Variants in KIF21B observed in about 807,000 individuals in gnomAD.
KIF21B encodes kinesin family member 21B.
In KIF21B, 85 loss-of-function variants were observed where a neutral mutation model predicts 192.9. The observed-to-expected ratio is 0.44, with a 90% CI of 0.37 to 0.53. The LOEUF (loss-of-function observed/expected upper bound fraction) is 0.53, where lower values mean the gene tolerates loss of function less well. Ranked by LOEUF, KIF21B falls within the 20% of genes least tolerant of loss-of-function variation. The pLI, the probability that KIF21B is intolerant of heterozygous loss-of-function variation, is 0.00. For missense variants in KIF21B, 1,716 were observed against 2,194.8 expected (o/e 0.78, Z 4.36); for synonymous variants, 832 against 884.6 (o/e 0.94, Z 1.05).
At chr1:201,012,797 T>C (rs2221581) in intron 1 of KIF21B, among the ~76,000 whole-genome samples, 40,091 of 152,006 alleles carry the variant, frequency 0.26, 5,841 homozygotes, top group Middle Eastern at 0.37. Flanking sequence ...GCACGCACCA[T>C]CATGCCCATC....
At chr1:201,009,618 AC>A in intron 1 of KIF21B, 130 bp from the exon 2 acceptor site, 1 of 821,006 alleles carries the variant, frequency 1.2e-6, no homozygotes, top group Non-Finnish European at 1.9e-6. Context: ...AGCTTAGGTG[AC>A]CCCAGAGGAC....
intron 3 of KIF21B, among the ~76,000 whole-genome samples, chr1:201,006,598 G>C (rs547960343): frequency 1.2e-4 from 19 of 152,172 alleles, no homozygotes; most frequent in Non-Finnish European, 2.5e-4. Flanking sequence ...ATATCTGTCT[G>C]TCTGTCTGTG....
intron 3 of KIF21B, among the ~76,000 whole-genome samples, chr1:201,007,625 CACAG>C (rs1376121339): frequency 4.0e-5 from 6 of 149,806 alleles, no homozygotes; most frequent in Non-Finnish European, 6.0e-5. Context: ...CACACACAGA[CACAG>C]ACAGGCACAC....
At position 200,977,368 on chromosome 1, in the gene KIF21B, C is replaced by T; in HGVS notation, c.4169G>A (p.Gly1390Asp). 1 of 1,613,874 alleles carries T rather than the reference C, an allele frequency of 6.2e-7. No homozygotes were observed. Among genetic ancestry groups the T allele is most frequent in the Non-Finnish European group, 8.5e-7 (1 of 1,179,742 alleles). ...AKCIRTLTSS[G>D]QVISGDACAA... ...ACAGGCATCCCCTGAGATCACCTGG[C>T]CCGAGGACCTGCCCATCGGAGAAAG... Residue 1390 changes from glycine to aspartate, a missense_variant, in exon 31 of 35, where the codon GGC (glycine) becomes GAC (aspartate). Gly to Asp is a moderately conservative substitution (Grantham distance 94). This residue lies in a region of KIF21B where 580 missense variants were observed against 775.5 expected (regional missense o/e 0.75). Transcript: ENST00000461742.
chr1:200,994,322 A>C (rs909398982), intron 15 of KIF21B, among the ~76,000 whole-genome samples: 1 of 152,200 alleles, frequency 6.6e-6, no homozygotes, highest in Non-Finnish European at 1.5e-5. Context: ...CATTCTGTGA[A>C]TCGCTGGGGC....
rs1657310688 is a variant in KIF21B at position 200,999,371 on chromosome 1, T to G, written c.1863A>C (p.Ser621=). 4 of 1,614,144 alleles carry G rather than the reference T, an allele frequency of 2.5e-6. No individual in the cohort carries two copies. The highest frequency in any genetic ancestry group is 2.2e-5 in the South Asian group (2 of 91,082). Residue 621 remains serine, a synonymous_variant, in exon 13 of 35, where the codon TCA becomes TCC. Coordinates refer to ENST00000461742, the MANE Select transcript of KIF21B (RefSeq NM_001252102.2). The surrounding 1 kb of genome is among the most constrained non-coding windows in gnomAD (Gnocchi z 4.7). ...DSGSEESLVD[S]DSDPEEKEVN... ...CACCCTTCTCCTCGGGGTCTGAGTC[T>G]GAGTCCACCAGGCTCTCTTCACTGC...
At chr1:200,991,757 A>C (rs750210197) in intron 16 of KIF21B, 32 bp from the exon 17 acceptor site, 7 of 1,610,094 alleles carry the variant, frequency 4.3e-6, no homozygotes, top group Non-Finnish European at 5.9e-6. Context: ...TGGGCTCCAC[A>C]CTCAGGCACC....
chr1:201,017,183 G>T lies in KIF21B; in HGVS notation c.41+6160C>A, dbSNP rs1307544990. Reference sequence around the variant, plus strand: ...TGTCTATGGCCCTCCAGGGCATCAGGATCTCAGCCGTGCAGAGGAATCGGG... The same window carrying T: ...TGTCTATGGCCCTCCAGGGCATCAGTATCTCAGCCGTGCAGAGGAATCGGG... On this transcript the variant is annotated intron_variant, in intron 1 of 34. Coordinates refer to ENST00000461742, the MANE Select transcript of KIF21B (RefSeq NM_001252102.2). This position sits in a 1 kb window ranked among gnomAD's most constrained non-coding sequence, Gnocchi z 4.1. 6.6e-6 allele frequency among the ~76,000 whole-genome samples: 1 copy of T among 152,178 alleles called. No individual in the cohort carries two copies. The highest frequency in any genetic ancestry group is 1.5e-5 in the Non-Finnish European group (1 of 68,026).
intron 8 of KIF21B, 187 bp from the exon 9 acceptor site, chr1:201,002,537 A>G (rs1302875091): frequency 3.6e-6 from 2 of 557,452 alleles, no homozygotes; most frequent in Admixed American, 3.1e-5. Flanking sequence ...AACCTTACAC[A>G]GTTCTCCTTG....
At chr1:201,015,352 G>A (rs12122721) in intron 1 of KIF21B, among the ~76,000 whole-genome samples, 36,256 of 152,106 alleles carry the variant, frequency 0.24, 4,506 homozygotes, top group Non-Finnish European at 0.29. Context: ...GACTAGAATC[G>A]CCTTTCAGAT....
In KIF21B at chr1:200,984,605, G is replaced by A. The variant is rs559362593; in HGVS notation, c.3803+254C>T. Among the ~76,000 whole-genome samples the A allele has an allele frequency of 7.2e-5, 11 of 152,328 alleles. No individual in the cohort carries two copies. The East Asian group carries it at 1.4e-3, about 19-fold the overall frequency. Reference sequence around the variant, plus strand: ...ATGCGACCAGCCCACCTGACTGCCCGGCCCCAATCCCTGTGGCCTCCTTCT... The same window carrying A: ...ATGCGACCAGCCCACCTGACTGCCCAGCCCCAATCCCTGTGGCCTCCTTCT... On this transcript the variant is annotated intron_variant, in intron 27 of 34. Coordinates refer to ENST00000461742, the MANE Select transcript of KIF21B (RefSeq NM_001252102.2).
chr1:201,008,719 C>G (rs1186688595), intron 3 of KIF21B, 50 bp downstream of exon 3: 9 of 1,514,980 alleles, frequency 5.9e-6, no homozygotes, highest in Non-Finnish European at 7.1e-6. Flanking sequence ...CTTCCATGGT[C>G]CTGTTGTCCA....
At chr1:201,009,121 C>T in intron 2 of KIF21B, 145 bp downstream of exon 2, 1 of 1,110,506 alleles carries the variant, frequency 9.0e-7, no homozygotes, top group Non-Finnish European at 1.3e-6. Flanking sequence ...CCTCCCTCTG[C>T]TAACCAGCGG....
chr1:201,021,437 A>C (rs770237342), intron 1 of KIF21B, among the ~76,000 whole-genome samples: 4 of 152,214 alleles, frequency 2.6e-5, no homozygotes, highest in Non-Finnish European at 4.4e-5. Flanking sequence ...CAGCAACTGA[A>C]AGGCAAGGCG....
intron 34 of KIF21B, chr1:200,974,025 G>T (rs760109619): frequency 7.0e-6 from 11 of 1,576,292 alleles, no homozygotes; most frequent in East Asian, 2.3e-5. Context: ...AGCTCAGATC[G>T]AAGTGGGGAA....
At chr1:201,003,465 T>G in intron 8 of KIF21B, 121 bp downstream of exon 8, 1 of 953,168 alleles carries the variant, frequency 1.0e-6, no homozygotes, top group East Asian at 2.5e-5. Context: ...CCAAAGTGGA[T>G]GATGGTAATA....
At chr1:200,992,525 G>T (rs1037176043) in intron 15 of KIF21B, 136 bp from the exon 16 acceptor site, 1 of 880,406 alleles carries the variant, frequency 1.1e-6, no homozygotes, top group Non-Finnish European at 1.8e-6. Context: ...GGGCCTGGGG[G>T]TCTGAAGTGA....
At position 200,999,895 on chromosome 1, in the gene KIF21B, G is replaced by A. The variant is rs768225512; in HGVS notation, c.1755C>T (p.Asn585=). 6.4e-5 allele frequency: 104 copies of A among 1,613,656 alleles called. No individual in the cohort carries two copies. Among genetic ancestry groups the A allele is most frequent in the Non-Finnish European group, 7.5e-5 (89 of 1,180,004 alleles). ...CCGTGCTCCTCACCTCCTCCGCCTC[G>A]TTCTCATCCGTCTCCTCGCTGTTCT... ...QQENSEETDE[N]EAEEEEEERD... is the part of the protein sequence containing the mutation. Residue 585 remains asparagine (N), a synonymous_variant, in exon 12 of 35, where the codon AAC becomes AAT. Coordinates refer to ENST00000461742, the MANE Select transcript of KIF21B (RefSeq NM_001252102.2). The surrounding 1 kb of genome is among the most constrained non-coding windows in gnomAD (Gnocchi z 4.7).
rs1655150844 is a variant in KIF21B at position 200,970,281 on chromosome 1, A to C, written c.*3240T>G. ...TTTCCCCATGTGGTTTTGTGCTTTA[A>C]ACTGCCCTCTGCCCAGGCCACACAT... On this transcript the variant is annotated 3_prime_UTR_variant, in exon 35 of 35. Coordinates refer to ENST00000461742, the MANE Select transcript of KIF21B (RefSeq NM_001252102.2). The C allele has an allele frequency of 6.5e-6, 1 of 152,892 alleles. No homozygotes were observed. The highest frequency in any genetic ancestry group is 2.4e-5 in the African/African-American group (1 of 41,464). The allele number at this position is 152,892 out of a possible 1,614,324, so 9.5% of individuals were successfully genotyped here.
Sources: allele counts gnomAD v4.1 joint callset (sites outside exome capture counted in the v4.1 genomes callset), GRCh38; gene constraint gnomAD v4.1.1; regional missense constraint gnomAD v4.1.1; non-coding constraint Gnocchi (gnomAD v3.1); transcripts MANE v1.5; gene names NCBI Gene and HGNC (gene_info 2026-07-23, HGNC 2026-07-21).